The following CNTN4 variants were observed in gnomAD, a reference collection of about 807,000 sequenced individuals.
CNTN4 encodes contactin 4, also known as contactin-4.
A neutral mutation model predicts 122.5 loss-of-function variants in CNTN4; 77 were observed. The ratio of observed to expected loss-of-function variants is 0.63; its 90% confidence interval spans 0.52 to 0.76. CNTN4 has a LOEUF of 0.76. CNTN4 is among the 30% of genes least tolerant of loss of function. The pLI is 0.00. For missense variants in CNTN4, 1,256 were observed against 1,259.1 expected (o/e 1.00, Z 0.04); for synonymous variants, 512 against 447.0 (o/e 1.15, Z -1.83).
intron 2 of CNTN4, among the ~76,000 whole-genome samples, chr3:2,170,472 T>G (rs1483650978): frequency 6.6e-6 from 1 of 152,108 alleles, no homozygotes; most frequent in Non-Finnish European, 1.5e-5. Flanking sequence ...TATAAACAAG[T>G]GCTTGATTGA....
intron 4 of CNTN4, among the ~76,000 whole-genome samples, chr3:2,607,900 A>G (rs953288296): frequency 6.6e-6 from 1 of 152,124 alleles, no homozygotes; most frequent in Admixed American, 6.6e-5. Context: ...TATAATAAAA[A>G]CGTGTCTTTT....
chr3:3,034,228 G>A (rs1447247118), intron 16 of CNTN4, among the ~76,000 whole-genome samples: 1 of 152,096 alleles, frequency 6.6e-6, no homozygotes, highest in African/African-American at 2.4e-5. Flanking sequence ...ATGAAATCAG[G>A]AGCAATATCT....
chr3:2,748,044 A>C (rs2089891725), intron 6 of CNTN4, among the ~76,000 whole-genome samples: 1 of 152,194 alleles, frequency 6.6e-6, no homozygotes, highest in Non-Finnish European at 1.5e-5. Context: ...TCTTCTTCAC[A>C]ACACACTCAA....
At chr3:2,639,095 A>G (rs755831663) in intron 4 of CNTN4, among the ~76,000 whole-genome samples, 1 of 152,190 alleles carries the variant, frequency 6.6e-6, no homozygotes, top group Non-Finnish European at 1.5e-5. Context: ...GATTCTTTTA[A>G]AAAGTAAACC....
At chr3:2,304,735 T>C (rs896657525) in intron 2 of CNTN4, among the ~76,000 whole-genome samples, 4 of 151,124 alleles carry the variant, frequency 2.6e-5, no homozygotes, top group African/African-American at 9.7e-5. Context: ...CAGAAGGAGC[T>C]TTCTCTAAGC....
intron 6 of CNTN4, among the ~76,000 whole-genome samples, chr3:2,804,154 G>T (rs2728088): frequency 6.6e-6 from 1 of 151,360 alleles, no homozygotes; most frequent in Admixed American, 6.6e-5. Flanking sequence ...TCAGCAGTGG[G>T]GGTATAGTCA....
intron 4 of CNTN4, among the ~76,000 whole-genome samples, chr3:2,691,252 A>G (rs541719120): frequency 1.1e-4 from 17 of 152,152 alleles, no homozygotes; most frequent in Non-Finnish European, 2.2e-4. Flanking sequence ...CTCATTGATC[A>G]TATTATAAAC....
intron 12 of CNTN4, among the ~76,000 whole-genome samples, chr3:2,909,858 T>C (rs914283739): frequency 6.6e-6 from 1 of 152,218 alleles, no homozygotes; most frequent in East Asian, 1.9e-4. Context: ...GTGATGTTGA[T>C]GCTGATGCTG....
intron 13 of CNTN4, among the ~76,000 whole-genome samples, chr3:2,932,975 A>G (rs892020795): frequency 6.6e-6 from 1 of 151,846 alleles, no homozygotes; most frequent in Non-Finnish European, 1.5e-5. Context: ...GGCACCCACC[A>G]CTATGCCCGG....
intron 3 of CNTN4, among the ~76,000 whole-genome samples, chr3:2,343,474 C>T (rs138152790): frequency 6.6e-6 from 1 of 152,282 alleles, no homozygotes; most frequent in Non-Finnish European, 1.5e-5. Context: ...TGGTCACTCT[C>T]TGCAACCAGT....
chr3:3,038,689 C>T (rs370437372), intron 18 of CNTN4, among the ~76,000 whole-genome samples: 3 of 152,202 alleles, frequency 2.0e-5, no homozygotes, highest in Admixed American at 2.0e-4. Flanking sequence ...ATTGGTCAGA[C>T]GTGTCAGATA....
intron 16 of CNTN4, among the ~76,000 whole-genome samples, chr3:3,033,810 T>A (rs1699379946): frequency 6.6e-6 from 1 of 152,240 alleles, no homozygotes; most frequent in Non-Finnish European, 1.5e-5. Flanking sequence ...TTTCCATCCC[T>A]CTATTTCTTT....
At position 2,515,126 on chromosome 3, in the gene CNTN4, C is replaced by T. The variant is rs770219117; in HGVS notation, c.-88-56290C>T. Among the ~76,000 whole-genome samples the T allele has an allele frequency of 4.6e-5, 7 of 152,074 alleles. No individual in the cohort carries two copies. The East Asian group carries it at 1.3e-3, about 29-fold the overall frequency. ...TTTGCGGCTTTCTCTTATGATAGTT[C>T]ATTGAAGTATCAATGACTTACTGAT... On this transcript the variant is annotated intron_variant, in intron 3 of 24. Transcript: ENST00000418658.
intron 7 of CNTN4, chr3:2,866,338 A>T: frequency 3.4e-6 from 1 of 291,674 alleles, no homozygotes; most frequent in Non-Finnish European, 5.6e-6. Context: ...ATTATCTATA[A>T]AACAAAAGAA....
At chr3:2,605,553 G>T (rs546254044) in intron 4 of CNTN4, among the ~76,000 whole-genome samples, 6 of 152,166 alleles carry the variant, frequency 3.9e-5, no homozygotes, top group Admixed American at 1.3e-4. Context: ...AGTGATGGAA[G>T]CAGGAGCACA....
chr3:2,681,562 A>C (rs1306963049), intron 4 of CNTN4, among the ~76,000 whole-genome samples: 1 of 152,114 alleles, frequency 6.6e-6, no homozygotes, highest in Admixed American at 6.6e-5. Context: ...ATGGACCCCA[A>C]CCTAAATACC....
At chr3:2,796,358 A>G (rs2092180712) in intron 6 of CNTN4, among the ~76,000 whole-genome samples, 1 of 152,094 alleles carries the variant, frequency 6.6e-6, no homozygotes, top group African/African-American at 2.4e-5. Flanking sequence ...ATGGCATGAC[A>G]TGAATTTGAA....
chr3:2,538,460 T>G (rs1240599583), intron 3 of CNTN4, among the ~76,000 whole-genome samples: 9 of 152,100 alleles, frequency 5.9e-5, no homozygotes, highest in Non-Finnish European at 8.8e-5. Flanking sequence ...TGTCAGTAAA[T>G]ATGTTTCTAT....
intron 3 of CNTN4, among the ~76,000 whole-genome samples, chr3:2,511,954 A>T (rs548072060): frequency 1.2e-3 from 188 of 152,274 alleles, no homozygotes; most frequent in African/African-American, 4.4e-3. Flanking sequence ...GTGTGGTTGC[A>T]TTATCTTTGG....
Sources: allele counts gnomAD v4.1 joint callset (sites outside exome capture counted in the v4.1 genomes callset), GRCh38; gene constraint gnomAD v4.1.1; transcripts MANE v1.5; gene names NCBI Gene and HGNC (gene_info 2026-07-23, HGNC 2026-07-21).